Variants in TAF4B observed in about 807,000 individuals in gnomAD.
TAF4B encodes the protein TATA-box binding protein associated factor 4b.
Under a neutral mutation model 86.4 loss-of-function variants are expected in TAF4B, and 38 were observed. The observed-to-expected ratio is 0.44, with a 90% confidence interval of 0.34 to 0.58. TAF4B has a LOEUF of 0.58. Among genes scored for constraint, TAF4B ranks in the 20% least tolerant of loss-of-function variants. TAF4B has a pLI of 0.02. For missense variants in TAF4B, 988 were observed against 1,027.6 expected, an observed-to-expected ratio of 0.96 and a Z score of 0.53; for synonymous variants, 388 against 391.2, an observed-to-expected ratio of 0.99 and a Z score of 0.10.
chr18:26,304,791 G>C, intron 9 of TAF4B: 1 of 985,254 alleles, frequency 1.0e-6, no homozygotes. Context: ...CCAAACAATG[G>C]AATGAAAATG....
At chr18:26,383,704 C>T (rs1978305152) in intron 14 of TAF4B, among the ~76,000 whole-genome samples, 1 of 152,168 alleles carries the variant, frequency 6.6e-6, no homozygotes, top group Admixed American at 6.5e-5. Flanking sequence ...GATTCCGTGT[C>T]ACATCAGTGT....
intron 1 of TAF4B, among the ~76,000 whole-genome samples, chr18:26,229,962 AAAAT>A (rs1412215782): frequency 6.7e-6 from 1 of 149,480 alleles, no homozygotes; most frequent in African/African-American, 2.5e-5. Context: ...GTTTAAAAAA[AAAAT>A]ATATATATAT....
At chr18:26,264,783 C>G (rs1440722129) in intron 1 of TAF4B, among the ~76,000 whole-genome samples, 1 of 152,188 alleles carries the variant, frequency 6.6e-6, no homozygotes, top group African/African-American at 2.4e-5. Flanking sequence ...CATAAGTCTA[C>G]AGAGCCTTTT....
At chr18:26,256,203 A>G in intron 1 of TAF4B, 1 of 1,609,478 alleles carries the variant, frequency 6.2e-7, no homozygotes. Context: ...GGCATTGCAG[A>G]TGTCTCCTGA....
chr18:26,337,526 G>T (rs535729525), intron 13 of TAF4B, among the ~76,000 whole-genome samples: 1 of 149,978 alleles, frequency 6.7e-6, no homozygotes, highest in Admixed American at 6.7e-5. Context: ...AGGTTCAAGC[G>T]ATTCTCCAGC....
chr18:26,227,406 C>CATAT, intron 1 of TAF4B, 130 bp downstream of exon 1: 1 of 802,882 alleles, frequency 1.2e-6, no homozygotes, highest in Non-Finnish European at 2.0e-6. Flanking sequence ...TTACAGTTAA[C>CATAT]ATATTCTTTT....
At chr18:26,311,074 G>C (rs2056849573) in intron 9 of TAF4B, among the ~76,000 whole-genome samples, 1 of 151,610 alleles carries the variant, frequency 6.6e-6, no homozygotes, top group Admixed American at 6.6e-5. Flanking sequence ...TGTTTCCATT[G>C]TTTCATACTA....
At chr18:26,312,741 C>CA (rs1164353822) in intron 9 of TAF4B, among the ~76,000 whole-genome samples, 3 of 152,120 alleles carry the variant, frequency 2.0e-5, no homozygotes, top group Non-Finnish European at 4.4e-5. Context: ...TCTTAGTTGA[C>CA]AGGCACTCAG....
intron 1 of TAF4B, among the ~76,000 whole-genome samples, chr18:26,257,770 A>G (rs988238026): frequency 2.0e-5 from 3 of 151,712 alleles, no homozygotes; most frequent in East Asian, 3.9e-4. Flanking sequence ...CTTCATGTGT[A>G]TATTAACTTA....
At chr18:26,346,845 GTATATATATATATGTGTATATATATATA>G (rs2057195936) in intron 13 of TAF4B, among the ~76,000 whole-genome samples, 6 of 13,960 alleles carry the variant, frequency 4.3e-4, no homozygotes, top group Non-Finnish European at 1.1e-3. Flanking sequence ...ATGTGTGTGT[GTATATATATATATGTGTATATATATATA>G]TGTGTATATA....
chr18:26,281,689 C>T (rs1362891946), intron 5 of TAF4B, among the ~76,000 whole-genome samples: 1 of 152,132 alleles, frequency 6.6e-6, no homozygotes, highest in African/African-American at 2.4e-5. Context: ...TTGTTCTTAA[C>T]AGATTGTAAT....
intron 13 of TAF4B, among the ~76,000 whole-genome samples, chr18:26,342,351 T>G (rs1256640971): frequency 1.3e-5 from 2 of 152,214 alleles, no homozygotes; most frequent in Non-Finnish European, 2.9e-5. Flanking sequence ...TCTAGATAAA[T>G]TTGGTTCTTC....
chr18:26,243,947 T>G (rs1035913879), intron 1 of TAF4B, among the ~76,000 whole-genome samples: 1 of 152,184 alleles, frequency 6.6e-6, no homozygotes, highest in African/African-American at 2.4e-5. Flanking sequence ...CTCTGGAAGC[T>G]TCGTCTCAGA....
intron 1 of TAF4B, among the ~76,000 whole-genome samples, chr18:26,237,844 C>A (rs2055772516): frequency 6.6e-6 from 1 of 152,038 alleles, no homozygotes; most frequent in Non-Finnish European, 1.5e-5. Context: ...GCTTCTTTTT[C>A]AGGTTTTTTG....
At chr18:26,297,244 C>T (rs1457128168) in intron 9 of TAF4B, among the ~76,000 whole-genome samples, 5 of 151,814 alleles carry the variant, frequency 3.3e-5, no homozygotes, top group Non-Finnish European at 5.9e-5. Flanking sequence ...CTGGTATGTC[C>T]GAAGAACAAA....
intron 7 of TAF4B, among the ~76,000 whole-genome samples, chr18:26,289,647 C>T (rs967034118): frequency 1.3e-5 from 2 of 152,088 alleles, no homozygotes; most frequent in Non-Finnish European, 2.9e-5. Context: ...CCATCACACC[C>T]GGCTAATTTT....
chr18:26,304,166 CTGT>C (rs934216341), intron 9 of TAF4B, among the ~76,000 whole-genome samples: 9 of 78,374 alleles, frequency 1.1e-4, no homozygotes, highest in Non-Finnish European at 2.0e-4. Flanking sequence ...TATAGGTCGA[CTGT>C]TTTTTTTTTT....
At chr18:26,388,022 A>C (rs1978478938) in intron 14 of TAF4B, among the ~76,000 whole-genome samples, 1 of 152,204 alleles carries the variant, frequency 6.6e-6, no homozygotes, top group Non-Finnish European at 1.5e-5. Context: ...GGAGTAATTA[A>C]AATTTAATTG....
intron 13 of TAF4B, among the ~76,000 whole-genome samples, chr18:26,343,664 A>G (rs1057116686): frequency 3.9e-5 from 6 of 152,214 alleles, no homozygotes; most frequent in Admixed American, 3.3e-4. Context: ...AGGTCCACTT[A>G]TATGTGGATT....
Sources: allele counts gnomAD v4.1 joint callset (sites outside exome capture counted in the v4.1 genomes callset), GRCh38; gene constraint gnomAD v4.1.1; transcripts MANE v1.5; gene names NCBI Gene and HGNC (gene_info 2026-07-23, HGNC 2026-07-21).